Variants in PAM observed in about 807,000 individuals in gnomAD.
PAM encodes the protein peptidyl-glycine alpha-amidating monooxygenase.
In PAM, 72 loss-of-function variants were observed where a neutral mutation model predicts 122.1. That is an observed-to-expected ratio of 0.59 (90% confidence interval 0.49 to 0.72). The LOEUF (loss-of-function observed/expected upper bound fraction) is 0.72. Among genes scored for constraint, PAM ranks in the 30% least tolerant of loss-of-function variants. The pLI, the probability that PAM is intolerant of heterozygous loss-of-function variation, is 0.00. For synonymous variants in PAM, 389 were observed against 404.4 expected (o/e 0.96, Z 0.46); for missense variants, 1,106 against 1,183.7 (o/e 0.93, Z 0.96).
chr5:102,852,353 T>C (rs1404185128), intron 1 of PAM, among the ~76,000 whole-genome samples: 5 of 152,180 alleles, frequency 3.3e-5, no homozygotes, highest in Admixed American at 6.5e-5. Flanking sequence ...GAAAAAAGAA[T>C]AAATATGATC....
At chr5:102,874,452 A>G (rs1474285424) in intron 3 of PAM, among the ~76,000 whole-genome samples, 1 of 151,252 alleles carries the variant, frequency 6.6e-6, no homozygotes, top group Non-Finnish European at 1.5e-5. Flanking sequence ...GGAAGATACG[A>G]TTGAACTATT....
intron 1 of PAM, among the ~76,000 whole-genome samples, chr5:102,761,331 A>G (rs998837996): frequency 1.3e-5 from 2 of 152,244 alleles, no homozygotes; most frequent in Non-Finnish European, 2.9e-5. Context: ...GGAGAAGCTC[A>G]TTTTGTAGAG....
At chr5:102,971,095 G>A (rs373233622) in intron 14 of PAM, among the ~76,000 whole-genome samples, 9 of 152,248 alleles carry the variant, frequency 5.9e-5, no homozygotes, top group South Asian at 4.1e-4. Flanking sequence ...ATGAGCCACC[G>A]TGCCCAGTCC....
chr5:102,909,357 C>T (rs1382239715), intron 4 of PAM, among the ~76,000 whole-genome samples: 1 of 151,732 alleles, frequency 6.6e-6, no homozygotes, highest in Non-Finnish European at 1.5e-5. Flanking sequence ...AAAATATCAA[C>T]TAATTTTTAT....
intron 14 of PAM, among the ~76,000 whole-genome samples, chr5:102,964,934 A>T (rs1171813902): frequency 1.3e-5 from 2 of 151,878 alleles, no homozygotes; most frequent in African/African-American, 4.8e-5. Context: ...TTTATCTGCG[A>T]ATGAGTTGAT....
intron 4 of PAM, among the ~76,000 whole-genome samples, chr5:102,906,523 G>A (rs1048007877): frequency 6.6e-6 from 1 of 151,614 alleles, no homozygotes; most frequent in African/African-American, 2.4e-5. Context: ...GGTTAAAAGA[G>A]CAAGCTCTGA....
chr5:102,934,842 A>G (rs1429346490), intron 7 of PAM, among the ~76,000 whole-genome samples: 1 of 152,200 alleles, frequency 6.6e-6, no homozygotes, highest in African/African-American at 2.4e-5. Context: ...TTTTGCTGCC[A>G]AAACTTAATG....
At chr5:102,881,081 C>A (rs1423475193) in intron 3 of PAM, among the ~76,000 whole-genome samples, 1 of 149,652 alleles carries the variant, frequency 6.7e-6, no homozygotes, top group African/African-American at 2.5e-5. Flanking sequence ...ACTTAACAGA[C>A]CACTAACTGT....
At chr5:102,952,867 A>G (rs996456699) in intron 12 of PAM, among the ~76,000 whole-genome samples, 1 of 152,034 alleles carries the variant, frequency 6.6e-6, no homozygotes, top group African/African-American at 2.4e-5. Context: ...CTCTTTTCCC[A>G]TCTACCTCCA....
rs547314583 is a variant in PAM, at chr5:102,814,959, G to A, written c.-373-50864G>A. ...GTGTGCAGCACACATGCACACACAC[G>A]CACCCCCCATACACACAGTTACTTT... On this transcript the variant is annotated intron_variant, in intron 1 of 25. Transcript: ENST00000438793. 3.3e-5 allele frequency among the ~76,000 whole-genome samples: 5 copies of A among 151,574 alleles called. No individual in the cohort carries two copies. In the South Asian group the frequency reaches 8.3e-4, roughly 25 times the overall value.
intron 1 of PAM, among the ~76,000 whole-genome samples, chr5:102,836,853 A>G (rs918114517): frequency 3.1e-5 from 4 of 131,030 alleles, no homozygotes; most frequent in Non-Finnish European, 6.4e-5. Flanking sequence ...GGACCAAGAA[A>G]GAAACCGAGA....
intron 1 of PAM, chr5:102,838,626 C>G (rs1156867197): frequency 4.6e-5 from 7 of 151,912 alleles, no homozygotes; most frequent in African/African-American, 1.7e-4. Context: ...AATGTAGATG[C>G]CTGTTTTTGT....
chr5:102,804,263 G>A (rs1309972944), intron 1 of PAM, among the ~76,000 whole-genome samples: 2 of 152,154 alleles, frequency 1.3e-5, no homozygotes, highest in Non-Finnish European at 2.9e-5. Flanking sequence ...TTGGAGTTTG[G>A]TGGTAACCTG....
intron 7 of PAM, among the ~76,000 whole-genome samples, chr5:102,927,364 G>C (rs1430567438): frequency 6.6e-6 from 1 of 152,008 alleles, no homozygotes; most frequent in African/African-American, 2.4e-5. Context: ...AACTGCATTC[G>C]GGTTCACACT....
chr5:103,007,544 C>G lies in PAM; in HGVS notation c.2102C>G (p.Ala701Gly). 2 of 1,613,956 alleles carry G rather than the reference C, an allele frequency of 1.2e-6. No individual in the cohort carries two copies. Among genetic ancestry groups the G allele is most frequent in the Non-Finnish European group, 1.7e-6 (2 of 1,179,914 alleles). ...LVPLLGQLCV[A>G]DRENGRIQCF... The stretch of plus-strand genomic sequence containing the variant: ...CCTCTTTTGGGCCAATTATGTGTGG[C>G]AGACCGGGAAAATGGTCGGATCCAG... The change falls in exon 20 of 26, where the codon GCA becomes GGA. Residue 701 changes from alanine (A) to glycine (G), a missense_variant. Transcript: ENST00000438793.
At chr5:103,001,714 AT>A (rs1003494175) in intron 16 of PAM, among the ~76,000 whole-genome samples, 12 of 151,564 alleles carry the variant, frequency 7.9e-5, no homozygotes, top group South Asian at 2.1e-4. Context: ...TAATTTAAGA[AT>A]TTTTTTTTGT....
intron 1 of PAM, among the ~76,000 whole-genome samples, chr5:102,781,212 T>C (rs958248994): frequency 6.6e-6 from 1 of 152,118 alleles, no homozygotes; most frequent in African/African-American, 2.4e-5. Context: ...AATTACTCAT[T>C]TTTTTGGGTC....
intron 24 of PAM, among the ~76,000 whole-genome samples, chr5:103,026,105 A>C (rs1407933875): frequency 6.6e-6 from 1 of 152,232 alleles, no homozygotes; most frequent in African/African-American, 2.4e-5. Context: ...TACCAGAGTT[A>C]GTATTTTATG....
In PAM at chr5:102,947,587, T is replaced by C. The variant is rs187109319; in HGVS notation, c.575+702T>C. On this transcript the variant is annotated intron_variant, in intron 8 of 25. Coordinates refer to ENST00000438793, the MANE Select transcript of PAM (RefSeq NM_001177306.2). ...CTAATTGAGTTCAGTGTATACTGTT[T>C]GGGTGATGGGTGCACCAAAATCTCA... Among the ~76,000 whole-genome samples, 230 of 152,262 alleles carry C rather than the reference T, an allele frequency of 1.5e-3. 1 individual carries two copies. Among genetic ancestry groups the C allele is most frequent in the African/African-American group, 5.3e-3 (221 of 41,572 alleles).
Sources: gnomAD v4.1 joint callset for allele counts (sites outside exome capture counted in the v4.1 genomes callset) on GRCh38, gnomAD v4.1.1 for gene constraint, MANE v1.5 for transcripts, NCBI Gene and HGNC (gene_info 2026-07-23, HGNC 2026-07-21) for gene names.